Variants in N4BP2L2 observed in about 807,000 individuals in gnomAD.
N4BP2L2 encodes the protein NEDD4 binding protein 2 like 2.
N4BP2L2 carries 50 observed loss-of-function variants against 56.2 expected under a neutral mutation model. The ratio of observed to expected loss-of-function variants is 0.89; its 90% CI spans 0.71 to 1.13. The LOEUF (loss-of-function observed/expected upper bound fraction) is 1.13, where lower values mean the gene tolerates loss of function less well. Ranked by LOEUF, N4BP2L2 falls within the 50% of genes most tolerant of loss-of-function variation. N4BP2L2 has a pLI of 0.00. For synonymous variants in N4BP2L2, 203 were observed against 223.6 expected (o/e 0.91, Z 0.82); for missense variants, 689 against 693.8 (o/e 0.99, Z 0.08).
At chr13:32,507,028 T>G (rs878979931), downstream of N4BP2L2, 1 of 152,120 alleles carries the variant, frequency 6.6e-6, no homozygotes, top group Admixed American at 6.5e-5. Context: ...ACACTCACTG[T>G]GTGAAAATCC....
chr13:32,533,127 C>T (rs1275343067), intron 2 of N4BP2L2, among the ~76,000 whole-genome samples: 4 of 152,138 alleles, frequency 2.6e-5, no homozygotes, highest in Non-Finnish European at 4.4e-5. Flanking sequence ...GGATAAGTCT[C>T]GTTTTTTTAA....
intron 6 of N4BP2L2, among the ~76,000 whole-genome samples, chr13:32,504,293 G>T (rs1044203664): frequency 6.6e-6 from 1 of 152,162 alleles, no homozygotes; most frequent in Non-Finnish European, 1.5e-5. Context: ...TTAAACAATA[G>T]AAATTTATTT....
intron 3 of N4BP2L2, among the ~76,000 whole-genome samples, chr13:32,525,769 A>G (rs961119193): frequency 2.0e-5 from 3 of 152,202 alleles, no homozygotes; most frequent in South Asian, 2.1e-4. Context: ...CTTTAGGGCA[A>G]CCCTAGTTGG....
chr13:32,453,887 G>A (rs1028013330), intron 6 of N4BP2L2, among the ~76,000 whole-genome samples: 1 of 152,196 alleles, frequency 6.6e-6, no homozygotes, highest in Non-Finnish European at 1.5e-5. Context: ...ACTACCCAGT[G>A]TAGGGGGCAT....
At chr13:32,536,435 G>A (rs1164141072) in exon 2 of N4BP2L2, 2 of 1,613,670 alleles carry the variant, frequency 1.2e-6, no homozygotes, top group Non-Finnish European at 1.7e-6. Context: ...TTCCTGAGAA[G>A]GTTCAGATTC....
At chr13:32,519,203 T>C (rs2050080753) in intron 5 of N4BP2L2, among the ~76,000 whole-genome samples, 1 of 147,834 alleles carries the variant, frequency 6.8e-6, no homozygotes, top group South Asian at 2.1e-4. Context: ...GCCCAGGAGT[T>C]CAAGAGCCCA....
In N4BP2L2 at chr13:32,478,376, ACT is replaced by A. The variant is rs145574134; in HGVS notation, c.366-34252_366-34251del. On this transcript the variant is annotated intron_variant, in intron 6 of 9. Coordinates refer to the N4BP2L2 transcript ENST00000357505. ...TCTTACCCTGTTATCTGTGTGCCAC[ACT>A]GTTATTCCTGAGAGATGGAAATAAT... 4.4e-3 allele frequency: 935 copies of A among 210,384 alleles called. 5 individuals are homozygous for A. Among genetic ancestry groups the A allele is most frequent in the Non-Finnish European group, 7.3e-3 (735 of 101,308 alleles). 13.0% of individuals were successfully genotyped at this position (210,384 alleles called of 1,614,324 possible).
rs552581381 is a variant in N4BP2L2, at chr13:32,527,509, T to C, written c.1283A>G (p.Asp428Gly). ...GTCATCAGTGCTGAACACAATGCCA[T>C]CACGATTCTGACCAAGCAGAATTCT... Residue 428 changes from aspartate (D) to glycine (G), a missense_variant, in exon 3 of 6, where the codon GAT (aspartate) becomes GGT (glycine). Physicochemically the swap from Asp to Gly is moderately conservative, Grantham distance 94 (BLOSUM62 -1). Coordinates refer to ENST00000267068, the Ensembl canonical transcript of N4BP2L2. The C allele has an allele frequency of 1.7e-5, 27 of 1,613,200 alleles. No homozygotes were observed. The South Asian group carries it at 2.7e-4, about 16-fold the overall frequency.
intron 6 of N4BP2L2, among the ~76,000 whole-genome samples, chr13:32,470,825 C>T (rs2082157728): frequency 6.6e-6 from 1 of 152,170 alleles, no homozygotes; most frequent in Admixed American, 6.5e-5. Context: ...CACCTGTAGT[C>T]CTCATGCAAG....
At chr13:32,486,956 G>A (rs964316913) in intron 6 of N4BP2L2, among the ~76,000 whole-genome samples, 2 of 152,126 alleles carry the variant, frequency 1.3e-5, no homozygotes, top group East Asian at 1.9e-4. Flanking sequence ...CCGAGATCAC[G>A]CCACTGCACT....
intron 3 of N4BP2L2, chr13:32,523,801 G>A (rs2140091269): frequency 6.6e-6 from 1 of 152,264 alleles, no homozygotes; most frequent in Admixed American, 6.5e-5. Context: ...CAACTCTGGA[G>A]ACTCAGGGGG....
exon 7 of N4BP2L2, chr13:32,442,437 C>G: frequency 5.0e-6 from 8 of 1,610,846 alleles, no homozygotes; most frequent in Non-Finnish European, 6.8e-6. Context: ...GAAAGGCAAA[C>G]CCTTGTGATA....
chr13:32,487,272 A>C (rs2086086722), intron 6 of N4BP2L2, among the ~76,000 whole-genome samples: 1 of 151,658 alleles, frequency 6.6e-6, no homozygotes, highest in African/African-American at 2.4e-5. Context: ...CCAGAAGTTT[A>C]AGACCAGCCT....
At position 32,454,893 on chromosome 13, in the gene N4BP2L2, C is replaced by G. The variant is rs112268548; in HGVS notation, c.366-10767G>C. Among the ~76,000 whole-genome samples the G allele has an allele frequency of 6.5e-3, 985 of 152,324 alleles. 8 individuals are homozygous for G. The highest frequency in any genetic ancestry group is 0.01 in the Non-Finnish European group (707 of 68,014). ...GGAGCAGGAGGCAAGGCTACCAGCT[C>G]AGCTGGAATCAGGTGGGAGCCCAGA... On this transcript the variant is annotated intron_variant, in intron 6 of 9. Transcript: ENST00000357505.
At chr13:32,538,479 T>A in intron 1 of N4BP2L2, 139 bp downstream of exon 1, 2 of 372,764 alleles carry the variant, frequency 5.4e-6, no homozygotes, top group Non-Finnish European at 7.4e-6. Flanking sequence ...GTCCAGGAAT[T>A]CTGGAGGTCT....
chr13:32,501,537 G>A (rs1290111923), intron 6 of N4BP2L2, among the ~76,000 whole-genome samples: 1 of 151,934 alleles, frequency 6.6e-6, no homozygotes, highest in Non-Finnish European at 1.5e-5. Flanking sequence ...AATATCGGCC[G>A]GGTGCGGTGG....
At chr13:32,491,509 A>G (rs1287111816) in intron 6 of N4BP2L2, among the ~76,000 whole-genome samples, 2 of 148,670 alleles carry the variant, frequency 1.3e-5, no homozygotes, top group African/African-American at 2.4e-5. Flanking sequence ...TTTTTATAAT[A>G]ATAAAAACTG....
intron 6 of N4BP2L2, among the ~76,000 whole-genome samples, chr13:32,503,457 C>T (rs1414254870): frequency 6.6e-6 from 1 of 152,150 alleles, no homozygotes. Flanking sequence ...CCATATTCTA[C>T]AGAAGAGCCA....
chr13:32,521,282 A>C (rs2050827039), intron 5 of N4BP2L2, 91 bp downstream of exon 5: 5 of 1,033,644 alleles, frequency 4.8e-6, no homozygotes, highest in Admixed American at 2.2e-5. Flanking sequence ...TCCTGAACCT[A>C]CATTTGTATT....
Sources: gnomAD v4.1 joint callset for allele counts (sites outside exome capture counted in the v4.1 genomes callset) on GRCh38, gnomAD v4.1.1 for gene constraint, MANE v1.5 for transcripts, NCBI Gene and HGNC (gene_info 2026-07-23, HGNC 2026-07-21) for gene names.